Variants in XKR6 observed in about 807,000 individuals in gnomAD.
XKR6 encodes XK-related protein 6.
A neutral mutation model predicts 56.7 loss-of-function variants in XKR6; 22 were observed. The observed-to-expected ratio is 0.39, with a 90% CI of 0.28 to 0.55. XKR6 has a LOEUF of 0.55. Among genes scored for constraint, XKR6 ranks in the 20% least tolerant of loss-of-function variants. The pLI is 0.66. For missense variants in XKR6, 852 were observed against 889.0 expected, an observed-to-expected ratio of 0.96 and a Z score of 0.53; for synonymous variants, 524 against 387.8, an observed-to-expected ratio of 1.35 and a Z score of -4.13.
intron 1 of XKR6, among the ~76,000 whole-genome samples, chr8:11,033,439 ATGGT>A (rs1799055507): frequency 6.6e-6 from 1 of 151,678 alleles, no homozygotes; most frequent in African/African-American, 2.4e-5. Context: ...GGTGATGATG[ATGGT>A]CGTAATGATG....
chr8:10,931,958 T>G (rs1801064184), intron 1 of XKR6, among the ~76,000 whole-genome samples: 1 of 152,146 alleles, frequency 6.6e-6, no homozygotes, highest in South Asian at 2.1e-4. Flanking sequence ...GACAAAGAAC[T>G]TGTAGCTAGA....
chr8:11,026,893 G>GGTCTAGCCTGCTACACCCTTAGATA (rs1303024153), intron 1 of XKR6, among the ~76,000 whole-genome samples: 1 of 151,264 alleles, frequency 6.6e-6, no homozygotes, highest in Non-Finnish European at 1.5e-5. Context: ...ACCCTTAGAT[G>GGTCTAGCCTGCTACACCCTTAGATA]GTCTAGCCTA....
chr8:11,154,821 T>G (rs530359093), intron 1 of XKR6, among the ~76,000 whole-genome samples: 2 of 152,210 alleles, frequency 1.3e-5, no homozygotes, highest in African/African-American at 4.8e-5. Flanking sequence ...CCTTGTCTTC[T>G]GTCCTCTTTT....
chr8:11,145,143 T>A (rs1800918138), intron 1 of XKR6, among the ~76,000 whole-genome samples: 1 of 152,116 alleles, frequency 6.6e-6, no homozygotes, highest in Non-Finnish European at 1.5e-5. Context: ...AGCAACGACA[T>A]GATACTCAAA....
chr8:11,040,351 A>C (rs138078334), intron 1 of XKR6, among the ~76,000 whole-genome samples: 1,416 of 133,430 alleles, frequency 0.011, 33 homozygotes, highest in African/African-American at 0.043. Flanking sequence ...AGCAGATCTC[A>C]TGTCTGCTAA....
chr8:10,970,018 A>G (rs1802355636), intron 1 of XKR6, among the ~76,000 whole-genome samples: 2 of 152,222 alleles, frequency 1.3e-5, no homozygotes, highest in Non-Finnish European at 2.9e-5. Flanking sequence ...TCAGGTGATA[A>G]GTCGGAGCCC....
chr8:10,971,075 G>T (rs967427951), intron 1 of XKR6, among the ~76,000 whole-genome samples: 1 of 151,014 alleles, frequency 6.6e-6, no homozygotes, highest in Non-Finnish European at 1.5e-5. Context: ...CTTCTGCTTG[G>T]GGTTTTTAAA....
Position 11,131,300 on chromosome 8 carries a change from G to A in XKR6, c.764+69276C>T, listed in dbSNP as rs563359149. ...ATTTTTGGTTCTTAATCTGGATTATGCCTCTTTAGCTTCCTATGTGGAACT... is the reference window on the plus strand; with the variant it reads ...ATTTTTGGTTCTTAATCTGGATTATACCTCTTTAGCTTCCTATGTGGAACT... On this transcript the variant is annotated intron_variant, in intron 1 of 2. Coordinates refer to ENST00000416569, the MANE Select transcript of XKR6 (RefSeq NM_173683.4). 3.3e-5 allele frequency among the ~76,000 whole-genome samples: 5 copies of A among 152,156 alleles called. No homozygotes were observed. The East Asian group carries it at 9.7e-4, about 29-fold the overall frequency.
chr8:10,989,615 G>A (rs965098121), intron 1 of XKR6, among the ~76,000 whole-genome samples: 4 of 152,282 alleles, frequency 2.6e-5, no homozygotes, highest in African/African-American at 9.6e-5. Context: ...AAGTTCCTTA[G>A]CCTCTTTTAA....
intron 1 of XKR6, among the ~76,000 whole-genome samples, chr8:11,131,497 C>T (rs952405794): frequency 6.6e-6 from 1 of 152,018 alleles, no homozygotes; most frequent in Non-Finnish European, 1.5e-5. Flanking sequence ...ATAAAGCTAA[C>T]GTTTTAAAAA....
chr8:11,102,397 TAAAG>T (rs1310560468), intron 1 of XKR6, among the ~76,000 whole-genome samples: 8 of 152,234 alleles, frequency 5.3e-5, no homozygotes, highest in African/African-American at 9.6e-5. Flanking sequence ...TGTGCAAAAA[TAAAG>T]AATTTACTTA....
At chr8:11,039,952 G>A (rs960402715) in intron 1 of XKR6, among the ~76,000 whole-genome samples, 2 of 152,200 alleles carry the variant, frequency 1.3e-5, no homozygotes, top group Non-Finnish European at 2.9e-5. Flanking sequence ...TAACTGCTAA[G>A]GTGCTGAATT....
chr8:11,050,355 C>T (rs1799514474), intron 1 of XKR6, among the ~76,000 whole-genome samples: 1 of 140,852 alleles, frequency 7.1e-6, no homozygotes, highest in Admixed American at 7.7e-5. Context: ...TCCCTCCAAG[C>T]CCCACGATCT....
At chr8:10,947,458 G>A (rs1253558357) in intron 1 of XKR6, among the ~76,000 whole-genome samples, 3 of 152,068 alleles carry the variant, frequency 2.0e-5, no homozygotes, top group African/African-American at 7.2e-5. Context: ...GGGTCACCCT[G>A]GGGGATCGAG....
chr8:11,039,203 GCCAATGTA>G (rs1799222844), intron 1 of XKR6, among the ~76,000 whole-genome samples: 2 of 152,196 alleles, frequency 1.3e-5, no homozygotes, highest in African/African-American at 4.8e-5. Flanking sequence ...GAGGCCACCA[GCCAATGTA>G]CTGAAGTCAT....
intron 1 of XKR6, among the ~76,000 whole-genome samples, chr8:11,165,014 T>TA (rs748093154): frequency 2.0e-5 from 3 of 150,048 alleles, no homozygotes; most frequent in East Asian, 1.9e-4. Flanking sequence ...AGGGTTAAGA[T>TA]ACGCCTTGAA....
chr8:10,980,934 C>G (rs1269380311), intron 1 of XKR6, among the ~76,000 whole-genome samples: 1 of 151,742 alleles, frequency 6.6e-6, no homozygotes, highest in Non-Finnish European at 1.5e-5. Flanking sequence ...GGATTAGAGA[C>G]AGGGACACTG....
intron 1 of XKR6, chr8:11,035,353 A>C: frequency 1.9e-6 from 1 of 534,228 alleles, no homozygotes; most frequent in Non-Finnish European, 3.9e-6. Context: ...TGCAGGAGCC[A>C]GGAGATCAAA....
intron 1 of XKR6, among the ~76,000 whole-genome samples, chr8:10,926,816 G>C (rs985134593): frequency 2.6e-5 from 4 of 152,258 alleles, no homozygotes; most frequent in Admixed American, 1.3e-4. Flanking sequence ...CCCTGCCCGT[G>C]AGTTCACAAA....
Sources: allele counts gnomAD v4.1 joint callset (sites outside exome capture counted in the v4.1 genomes callset), GRCh38; gene constraint gnomAD v4.1.1; transcripts MANE v1.5; gene names NCBI Gene and HGNC (gene_info 2026-07-23, HGNC 2026-07-21).